Variants in CLMN observed in about 807,000 individuals in gnomAD.
CLMN encodes calmin.
Under a neutral mutation model 92.7 loss-of-function variants are expected in CLMN, and 57 were observed. The observed-to-expected ratio is 0.61, with a 90% confidence interval of 0.50 to 0.77. The LOEUF is 0.77. Ranked by LOEUF, CLMN falls within the 30% of genes least tolerant of loss-of-function variation. CLMN has a pLI of 0.00. For synonymous variants in CLMN, 466 were observed against 470.6 expected (o/e 0.99, Z 0.13); for missense variants, 1,158 against 1,237.5 (o/e 0.94, Z 0.96).
chr14:95,261,311 G>A (rs1261255855), intron 1 of CLMN, among the ~76,000 whole-genome samples: 6 of 152,180 alleles, frequency 3.9e-5, no homozygotes, highest in African/African-American at 9.7e-5. Flanking sequence ...GGGAACGTGC[G>A]CGTCTGGCTG....
At chr14:95,240,252 C>G (rs1322423099) in intron 1 of CLMN, among the ~76,000 whole-genome samples, 1 of 152,230 alleles carries the variant, frequency 6.6e-6, no homozygotes. Flanking sequence ...CTGGTGCTCA[C>G]AGCCAGCCAT....
chr14:95,272,314 G>GAAA (rs71307140), intron 1 of CLMN, among the ~76,000 whole-genome samples: 2 of 152,082 alleles, frequency 1.3e-5, no homozygotes, highest in Non-Finnish European at 2.9e-5. Flanking sequence ...TCCAGGAAGA[G>GAAA]GAGGAGGAGG....
chr14:95,296,902 G>C (rs750531042), intron 1 of CLMN, among the ~76,000 whole-genome samples: 18 of 152,200 alleles, frequency 1.2e-4, no homozygotes, highest in Non-Finnish European at 2.2e-4. Context: ...GTCACCCCTA[G>C]GTTTGTCTGA....
intron 9 of CLMN, chr14:95,199,173 G>A (rs529124326): frequency 1.2e-4 from 19 of 152,366 alleles, no homozygotes; most frequent in Admixed American, 1.2e-3. Flanking sequence ...GCTCAGATTT[G>A]GCAAACTGAA....
intron 1 of CLMN, among the ~76,000 whole-genome samples, chr14:95,268,522 A>G (rs985143594): frequency 6.6e-6 from 1 of 152,206 alleles, no homozygotes. Flanking sequence ...TGGGGGCATG[A>G]CTATAAAAGG....
At chr14:95,315,037 A>T (rs1451716512) in intron 1 of CLMN, among the ~76,000 whole-genome samples, 2 of 152,174 alleles carry the variant, frequency 1.3e-5, no homozygotes, top group African/African-American at 4.8e-5. Flanking sequence ...CTGCTGGATA[A>T]CGGTGACCAT....
Position 95,245,192 on chromosome 14 carries a change from A to T in CLMN, c.83-15059T>A, listed in dbSNP as rs1386047751. On this transcript the variant is annotated intron_variant, in intron 1 of 12. Coordinates refer to ENST00000298912, the MANE Select transcript of CLMN (RefSeq NM_024734.4). ...GGTTATATTATATATATATATATAT[A>T]TAATATATATATATATTATATATAT... Among the ~76,000 whole-genome samples the T allele has an allele frequency of 1.0e-3, 40 of 38,108 alleles. 7 individuals carry two copies. The highest frequency in any genetic ancestry group is 4.6e-3 in the African/African-American group (38 of 8,296). The allele number at this position is 38,108 out of a possible 152,430, so 25.0% of individuals were successfully genotyped here.
Position 95,204,467 on chromosome 14 carries a change from C to CAAA in CLMN, c.886-7_886-5dup, listed in dbSNP as rs5810715. On this transcript the variant is annotated splice_region_variant and splice_polypyrimidine_tract_variant and intron_variant, in intron 8 of 12. Coordinates refer to ENST00000298912, the MANE Select transcript of CLMN (RefSeq NM_024734.4). ...TATCTGAATCGAAAATATCTTCCTG[C>CAAA]AAAAAAAAACAAAAACAAACAAACA... 3.6e-6 allele frequency: 5 copies of CAAA among 1,383,198 alleles called. No homozygotes were observed. The highest frequency in any genetic ancestry group is 2.5e-5 in the East Asian group (1 of 40,490). 85.7% of individuals were successfully genotyped at this position (1,383,198 alleles called of 1,614,324 possible).
At chr14:95,292,024 G>A (rs191111783) in intron 1 of CLMN, among the ~76,000 whole-genome samples, 2 of 152,352 alleles carry the variant, frequency 1.3e-5, no homozygotes, top group East Asian at 1.9e-4. Flanking sequence ...GGGTTGACGT[G>A]TTCCCACGTC....
intron 4 of CLMN, among the ~76,000 whole-genome samples, chr14:95,219,173 T>C (rs1040901826): frequency 4.6e-5 from 7 of 152,208 alleles, no homozygotes; most frequent in Non-Finnish European, 8.8e-5. Flanking sequence ...GTGACCCAAA[T>C]GGCTGCTGGA....
intron 5 of CLMN, 128 bp from the exon 6 acceptor site, chr14:95,213,537 C>T (rs980027963): frequency 3.8e-6 from 3 of 780,078 alleles, no homozygotes; most frequent in Non-Finnish European, 6.0e-6. Context: ...TCTCTGAATG[C>T]AGAGAAACCC....
intron 6 of CLMN, among the ~76,000 whole-genome samples, chr14:95,211,564 G>A (rs1177205816): frequency 6.6e-6 from 1 of 151,762 alleles, no homozygotes; most frequent in Non-Finnish European, 1.5e-5. Flanking sequence ...GGACAAAAGA[G>A]GAGAGAATCT....
At chr14:95,196,054 C>T (rs1187629) in intron 10 of CLMN, among the ~76,000 whole-genome samples, 119,939 of 152,158 alleles carry the variant, frequency 0.79, 47,709 homozygotes, top group Non-Finnish European at 0.85. Context: ...CCAGCTTCCA[C>T]GTGCCAGACA....
In CLMN at chr14:95,189,456, G is replaced by A. The variant is rs1896512829; in HGVS notation, c.*2108C>T. On this transcript the variant is annotated 3_prime_UTR_variant, in exon 13 of 13. Transcript: ENST00000298912. The stretch of plus-strand genomic sequence containing the variant: ...TCCATAGAAGCCTATACTCAAATGA[G>A]ATTTTTTTTTCCTTTGCAAAATATC... 6.6e-6 allele frequency: 1 copy of A among 152,118 alleles called. No individual in the cohort carries two copies. Among genetic ancestry groups the A allele is most frequent in the Non-Finnish European group, 1.5e-5 (1 of 68,030 alleles). The allele number at this position is 152,118 out of a possible 1,614,324, so 9.4% of individuals were successfully genotyped here.
At chr14:95,297,716 T>A (rs1900864515) in intron 1 of CLMN, among the ~76,000 whole-genome samples, 1 of 152,140 alleles carries the variant, frequency 6.6e-6, no homozygotes. Flanking sequence ...CTGAGCAGTA[T>A]TCCACTGCAT....
In CLMN at chr14:95,263,365, G is replaced by C. The variant is rs186580503; in HGVS notation, c.83-33232C>G. 2.6e-3 allele frequency among the ~76,000 whole-genome samples: 400 copies of C among 152,260 alleles called. 3 individuals carry two copies. Among genetic ancestry groups the C allele is most frequent in the African/African-American group, 9.5e-3 (393 of 41,542 alleles). ...CCATGATTCAATTACCTCCCGCCAG[G>C]TTGGTCCCATGGCACGTGGGGATTA... On this transcript the variant is annotated intron_variant, in intron 1 of 12. Transcript: ENST00000298912.
At chr14:95,231,556 A>G (rs1187170695) in intron 1 of CLMN, among the ~76,000 whole-genome samples, 1 of 151,972 alleles carries the variant, frequency 6.6e-6, no homozygotes, top group East Asian at 1.9e-4. Flanking sequence ...CCATGGAAAA[A>G]TTTTCTTCCA....
At chr14:95,272,111 G>C (rs1164105340) in intron 1 of CLMN, among the ~76,000 whole-genome samples, 2 of 152,194 alleles carry the variant, frequency 1.3e-5, no homozygotes, top group East Asian at 1.9e-4. Flanking sequence ...AGTGTGAAAA[G>C]AAAAATGCCA....
intron 4 of CLMN, 41 bp from the exon 5 acceptor site, chr14:95,215,774 G>T: frequency 6.9e-7 from 1 of 1,446,116 alleles, no homozygotes; most frequent in Non-Finnish European, 9.7e-7. Context: ...GAGGTGTCCA[G>T]GGAGGATAAC....
Sources: gnomAD v4.1 joint callset for allele counts (sites outside exome capture counted in the v4.1 genomes callset) on GRCh38, gnomAD v4.1.1 for gene constraint, MANE v1.5 for transcripts, NCBI Gene and HGNC (gene_info 2026-07-23, HGNC 2026-07-21) for gene names.